ADCK2: variants seen among roughly 807,000 people sequenced by gnomAD.
ADCK2 encodes the protein aarF domain containing kinase 2.
A neutral mutation model predicts 52.3 loss-of-function variants in ADCK2; 37 were observed. That is an observed-to-expected ratio of 0.71 (90% CI 0.54 to 0.93). The LOEUF is 0.93. Ranked by LOEUF, ADCK2 falls within the 40% of genes least tolerant of loss-of-function variation. The probability of loss-of-function intolerance (pLI) is 0.00; values close to 1 mark genes in which losing one functional copy is unlikely to be tolerated. For missense variants in ADCK2, 695 were observed against 798.7 expected, an observed-to-expected ratio of 0.87 and a Z score of 1.56; for synonymous variants, 321 against 349.2, an observed-to-expected ratio of 0.92 and a Z score of 0.90.
Position 140,673,863 on chromosome 7 carries a change from C to CGGCGTCAGTGA in ADCK2, c.534_535insGCGTCAGTGAG (p.Trp179AlafsTer76), listed in dbSNP as rs747576688. 2.5e-6 allele frequency: 4 copies of CGGCGTCAGTGA among 1,614,060 alleles called. No homozygotes were observed. The highest frequency in any genetic ancestry group is 1.7e-6 in the Non-Finnish European group (2 of 1,180,048). On this transcript the variant is annotated frameshift_variant, in exon 1 of 8. Coordinates refer to ENST00000072869, the MANE Select transcript of ADCK2 (RefSeq NM_052853.4). LOFTEE classifies it high-confidence loss of function. This position sits in a 1 kb window ranked among gnomAD's most constrained non-coding sequence, Gnocchi z 6.4. ...CTGCATGTCCGAGTGACGCCCCACC[C>CGGCGTCAGTGA]GTGGACTCACACTGAGCGCTTCCTT...
intron 4 of ADCK2, among the ~76,000 whole-genome samples, chr7:140,683,597 G>A (rs536721197): frequency 5.3e-5 from 8 of 152,256 alleles, no homozygotes; most frequent in Non-Finnish European, 1.2e-4. Context: ...GTCTACCAGC[G>A]AGGATTCTGA....
At chr7:140,689,339 C>T (rs912814563) in intron 5 of ADCK2, among the ~76,000 whole-genome samples, 2 of 152,014 alleles carry the variant, frequency 1.3e-5, no homozygotes, top group African/African-American at 4.8e-5. Context: ...GAGGGCAAAC[C>T]CAAAGCTGGG....
At chr7:140,682,969 C>T (rs965344731) in intron 4 of ADCK2, among the ~76,000 whole-genome samples, 3 of 144,742 alleles carry the variant, frequency 2.1e-5, no homozygotes, top group Non-Finnish European at 3.0e-5. Flanking sequence ...CCACTGCACT[C>T]CAACCTCAGA....
intron 4 of ADCK2, among the ~76,000 whole-genome samples, chr7:140,683,751 T>C (rs1317531887): frequency 6.6e-6 from 1 of 152,166 alleles, no homozygotes; most frequent in Non-Finnish European, 1.5e-5. Context: ...GTTGTTATAG[T>C]TGGGGGTTGG....
intron 4 of ADCK2, among the ~76,000 whole-genome samples, chr7:140,682,229 A>G (rs1794528518): frequency 6.6e-6 from 1 of 152,192 alleles, no homozygotes; most frequent in Non-Finnish European, 1.5e-5. Context: ...GGGGTACCAA[A>G]AGGTCATTTC....
Position 140,687,242 on chromosome 7 carries a change from G to T in ADCK2, c.1557+1G>T. 1 of 1,557,028 alleles carries T rather than the reference G, an allele frequency of 6.4e-7. No homozygotes were observed. Among genetic ancestry groups the T allele is most frequent in the Non-Finnish European group, 8.7e-7 (1 of 1,147,212 alleles). On this transcript the variant is annotated splice_donor_variant, in intron 5 of 7. Coordinates refer to ENST00000072869, the MANE Select transcript of ADCK2 (RefSeq NM_052853.4). LOFTEE classifies it high-confidence loss of function. ...TTTCATGGCTGTGGTGATGGGGCAGGTGAGACGCACTGGGACCACAGAAGT... is the reference window on the plus strand; with the variant it reads ...TTTCATGGCTGTGGTGATGGGGCAGTTGAGACGCACTGGGACCACAGAAGT...
In ADCK2 at chr7:140,679,185, G is replaced by A. The variant is rs769233732; in HGVS notation, c.1111G>A (p.Glu371Lys). 3.0e-5 allele frequency: 49 copies of A among 1,614,110 alleles called. No individual in the cohort carries two copies. The highest frequency in any genetic ancestry group is 4.1e-5 in the Non-Finnish European group (48 of 1,180,014). Residue 371 changes from glutamate (E) to lysine (K), a missense_variant, in exon 3 of 8, where the codon GAA becomes AAA. Glu to Lys is a moderately conservative substitution (Grantham distance 56, BLOSUM62 1). Coordinates refer to ENST00000072869, the MANE Select transcript of ADCK2 (RefSeq NM_052853.4). ...IDLRYEAQNLEHFQVNFRNVK... is the reference protein window; with the variant it reads ...IDLRYEAQNLKHFQVNFRNVK... ...CCTGCGTTACGAAGCTCAGAATCTA[G>A]AACACTTCCAGGTCAACTTCCGGAA...
intron 7 of ADCK2, 31 bp from the exon 8 acceptor site, chr7:140,694,632 T>G: frequency 6.0e-5 from 95 of 1,595,364 alleles, no homozygotes; most frequent in Non-Finnish European, 7.4e-5. Context: ...CAGCATGTTC[T>G]GAGATGAACT....
chr7:140,674,380 C>T lies in ADCK2; in HGVS notation c.933+117C>T. On this transcript the variant is annotated intron_variant, in intron 1 of 7. Coordinates refer to ENST00000072869, the MANE Select transcript of ADCK2 (RefSeq NM_052853.4). This position sits in a 1 kb window ranked among gnomAD's most constrained non-coding sequence, Gnocchi z 4.6. Reference sequence around the variant, plus strand: ...TATTTGCCTGACCAATATCTGAGTGCTTATTTCATGCAAGCTGTTTCATTT... The same window carrying T: ...TATTTGCCTGACCAATATCTGAGTGTTTATTTCATGCAAGCTGTTTCATTT... 1 of 1,213,370 alleles carries T rather than the reference C, an allele frequency of 8.2e-7. No homozygotes were observed. The highest frequency in any genetic ancestry group is 1.1e-6 in the Non-Finnish European group (1 of 886,038). The allele number at this position is 1,213,370 out of a possible 1,614,324, so 75.2% of individuals were successfully genotyped here.
Position 140,674,356 on chromosome 7 carries a change from A to G in ADCK2, c.933+93A>G, listed in dbSNP as rs1206843263. 11 of 1,360,268 alleles carry G rather than the reference A, an allele frequency of 8.1e-6. No homozygotes were observed. The highest frequency in any genetic ancestry group is 1.9e-4 in the Middle Eastern group (1 of 5,328). The allele number at this position is 1,360,268 out of a possible 1,614,324, so 84.3% of individuals were successfully genotyped here. A position where few individuals can be genotyped will look rare whatever the true frequency, so the allele number is the denominator to read the frequency against. ...GCAAATCGCCCCCACGTTTATTTCT[A>G]TTTGCCTGACCAATATCTGAGTGCT... On this transcript the variant is annotated intron_variant, in intron 1 of 7. Coordinates refer to ENST00000072869, the MANE Select transcript of ADCK2 (RefSeq NM_052853.4). This position sits in a 1 kb window ranked among gnomAD's most constrained non-coding sequence, Gnocchi z 4.6.
At position 140,674,180 on chromosome 7, in the gene ADCK2, G is replaced by C; in HGVS notation, c.850G>C (p.Val284Leu). 1 of 1,614,056 alleles carries C rather than the reference G, an allele frequency of 6.2e-7. No homozygotes were observed. The highest frequency in any genetic ancestry group is 8.5e-7 in the Non-Finnish European group (1 of 1,180,016). Residue 284 changes from valine (V) to leucine (L), a missense_variant, in exon 1 of 8, where the codon GTT becomes CTT. Val to Leu is a conservative substitution (Grantham distance 32). Coordinates refer to ENST00000072869, the MANE Select transcript of ADCK2 (RefSeq NM_052853.4). This position sits in a 1 kb window ranked among gnomAD's most constrained non-coding sequence, Gnocchi z 4.6. ...ERLLLPKADL[V>L]GSNAGVSRAQ... The stretch of plus-strand genomic sequence containing the variant: ...GCTGCTCCTCCCTAAAGCTGACCTG[G>C]TTGGATCAAATGCAGGGGTGTCTCG...
Sources: allele counts gnomAD v4.1 joint callset (sites outside exome capture counted in the v4.1 genomes callset), GRCh38; gene constraint gnomAD v4.1.1; non-coding constraint Gnocchi (gnomAD v3.1); transcripts MANE v1.5; gene names NCBI Gene and HGNC (gene_info 2026-07-23, HGNC 2026-07-21).